The following RANBP9 variants were observed in gnomAD, a reference collection of about 807,000 sequenced individuals.
RANBP9 encodes the protein RAN binding protein 9.
Under a neutral mutation model 84.3 loss-of-function variants are expected in RANBP9, and 15 were observed. The observed-to-expected ratio is 0.18, with a 90% CI of 0.12 to 0.27. The LOEUF is 0.27. RANBP9 is among the 10% of genes least tolerant of loss of function. RANBP9 has a pLI of 1.00. For synonymous variants in RANBP9, 392 were observed against 349.6 expected (o/e 1.12, Z -1.35); for missense variants, 809 against 912.8 (o/e 0.89, Z 1.46).
intron 1 of RANBP9, among the ~76,000 whole-genome samples, chr6:13,705,392 G>T (rs1425841142): frequency 1.1e-5 from 1 of 93,812 alleles, no homozygotes; most frequent in Non-Finnish European, 1.9e-5. Flanking sequence ...GGGCGACAGA[G>T]CAAGATTCTG....
intron 5 of RANBP9, among the ~76,000 whole-genome samples, chr6:13,649,722 C>T (rs185423368): frequency 2.6e-5 from 4 of 152,082 alleles, no homozygotes; most frequent in Non-Finnish European, 5.9e-5. Flanking sequence ...TTCTACTGCC[C>T]CCACTTCCAC....
intron 7 of RANBP9, among the ~76,000 whole-genome samples, chr6:13,641,515 A>T (rs529997189): frequency 1.7e-3 from 261 of 151,380 alleles, no homozygotes; most frequent in African/African-American, 6.0e-3. Flanking sequence ...ACGGTCACAA[A>T]TTTTTTTTTT....
chr6:13,629,222 T>A (rs538977145), intron 12 of RANBP9, among the ~76,000 whole-genome samples: 1 of 152,318 alleles, frequency 6.6e-6, no homozygotes, highest in East Asian at 1.9e-4. Context: ...GCAATCCTCC[T>A]GCCTCAGCCT....
At chr6:13,690,188 A>C (rs1766291695) in intron 2 of RANBP9, among the ~76,000 whole-genome samples, 1 of 152,228 alleles carries the variant, frequency 6.6e-6, no homozygotes, top group Admixed American at 6.5e-5. Flanking sequence ...GTTTCTACTA[A>C]ATGTCAGGTC....
In RANBP9 at chr6:13,644,594, G is replaced by C; in HGVS notation, c.1063C>G (p.Arg355Gly). The C allele has an allele frequency of 6.2e-7, 1 of 1,612,904 alleles. No homozygotes were observed. The highest frequency in any genetic ancestry group is 8.5e-7 in the Non-Finnish European group (1 of 1,179,540). ...WRTKIQAQIDRFPIGDREGEW... is the reference protein window; with the variant it reads ...WRTKIQAQIDGFPIGDREGEW... ...CCTTCTCGATCTCCGATAGGAAATC[G>C]ATCTATCTGTGCCTGGATTTTGGTT... Residue 355 changes from arginine to glycine, a missense_variant, in exon 6 of 14, where the codon CGA (arginine) becomes GGA (glycine). Arg to Gly is a moderately radical substitution (Grantham distance 125). This residue lies in a region of RANBP9 where 216 missense variants were observed against 329.0 expected (regional missense o/e 0.66). Coordinates refer to ENST00000011619, the MANE Select transcript of RANBP9 (RefSeq NM_005493.3).
chr6:13,647,532 A>G (rs989874297), intron 5 of RANBP9, among the ~76,000 whole-genome samples: 6 of 152,152 alleles, frequency 3.9e-5, no homozygotes, highest in Non-Finnish European at 8.8e-5. Context: ...GGTATAACAT[A>G]TTGTATATGG....
At position 13,657,175 on chromosome 6, in the gene RANBP9, C is replaced by A. The variant is rs1333847405; in HGVS notation, c.838G>T (p.Val280Phe). ...PYGPTFTTGD[V>F]IGCCVNLINN... ...ATAAGATTAACACAACAGCCAATGA[C>A]ATCACCAGTAGTGAAAGTTGGTCCA... Residue 280 changes from valine (V) to phenylalanine (F), a missense_variant, in exon 4 of 14, where the codon GTC becomes TTC. Physicochemically the swap from Val to Phe is conservative, Grantham distance 50. Coordinates refer to ENST00000011619, the MANE Select transcript of RANBP9 (RefSeq NM_005493.3). The A allele has an allele frequency of 1.5e-5, 24 of 1,613,048 alleles. No homozygotes were observed. Among genetic ancestry groups the A allele is most frequent in the Non-Finnish European group, 2.0e-5 (23 of 1,179,452 alleles).
intron 5 of RANBP9, among the ~76,000 whole-genome samples, chr6:13,648,361 T>A (rs866992436): frequency 2.0e-5 from 3 of 152,118 alleles, no homozygotes; most frequent in Middle Eastern, 6.8e-3. Flanking sequence ...TTGGCCAGGA[T>A]AGTCTTGATC....
intron 1 of RANBP9, among the ~76,000 whole-genome samples, chr6:13,709,308 G>A (rs1347159953): frequency 1.3e-5 from 2 of 152,184 alleles, no homozygotes; most frequent in African/African-American, 4.8e-5. Flanking sequence ...AAGAAACTGA[G>A]GCTCAGTCTT....
chr6:13,706,404 T>G (rs1758123223), intron 1 of RANBP9, among the ~76,000 whole-genome samples: 6 of 150,596 alleles, frequency 4.0e-5, no homozygotes, highest in Admixed American at 4.0e-4. Context: ...AATTAAAAAG[T>G]GAAATTCTGG....
intron 2 of RANBP9, among the ~76,000 whole-genome samples, chr6:13,690,836 A>C (rs2113347656): frequency 6.6e-6 from 1 of 152,264 alleles, no homozygotes; most frequent in South Asian, 2.1e-4. Context: ...AAAAGAAGGG[A>C]AAGTAAACAC....
chr6:13,681,455 A>G (rs564182702), intron 2 of RANBP9, among the ~76,000 whole-genome samples: 39 of 152,300 alleles, frequency 2.6e-4, no homozygotes, highest in African/African-American at 9.1e-4. Flanking sequence ...GGGAAAGGGA[A>G]GAAAAGGTGC....
At chr6:13,630,543 T>G (rs1402756985) in intron 12 of RANBP9, among the ~76,000 whole-genome samples, 1 of 152,160 alleles carries the variant, frequency 6.6e-6, no homozygotes, top group Non-Finnish European at 1.5e-5. Context: ...ATTCTTTATT[T>G]CCAAATATGC....
intron 4 of RANBP9, among the ~76,000 whole-genome samples, chr6:13,656,578 T>G (rs1765406809): frequency 6.6e-6 from 1 of 152,184 alleles, no homozygotes; most frequent in Admixed American, 6.5e-5. Flanking sequence ...ATTCTCAGTT[T>G]TGTCACTGTT....
intron 6 of RANBP9, 93 bp from the exon 7 acceptor site, chr6:13,642,684 T>A (rs1164186780): frequency 2.5e-6 from 2 of 807,392 alleles, no homozygotes; most frequent in Non-Finnish European, 3.7e-6. Context: ...TCTGGTGTTA[T>A]AAAAACGAAC....
At chr6:13,705,847 C>G (rs779919065) in intron 1 of RANBP9, among the ~76,000 whole-genome samples, 1 of 110,500 alleles carries the variant, frequency 9.0e-6, no homozygotes, top group Non-Finnish European at 1.8e-5. Flanking sequence ...TGGGCCTGGG[C>G]GACAGAGCAA....
In RANBP9 at chr6:13,681,778, A is replaced by G. The variant is rs560242021; in HGVS notation, c.683+15007T>C. On this transcript the variant is annotated intron_variant, in intron 2 of 13. Coordinates refer to ENST00000011619, the MANE Select transcript of RANBP9 (RefSeq NM_005493.3). ...GCTTCCATTTTCAAAAGGAAATAAC[A>G]AAAGAATAAATCAAGAACTAATGAA... 1.4e-4 allele frequency among the ~76,000 whole-genome samples: 22 copies of G among 152,368 alleles called. No homozygotes were observed. The East Asian group carries it at 3.1e-3, about 21-fold the overall frequency.
At chr6:13,643,715 C>T (rs1056372147) in intron 6 of RANBP9, among the ~76,000 whole-genome samples, 7 of 152,050 alleles carry the variant, frequency 4.6e-5, no homozygotes, top group African/African-American at 1.7e-4. Context: ...CAGTGTGGCC[C>T]CAGAACAACC....
At chr6:13,642,678 G>A (rs924039960) in intron 6 of RANBP9, 87 bp from the exon 7 acceptor site, 43 of 912,724 alleles carry the variant, frequency 4.7e-5, no homozygotes, top group Non-Finnish European at 6.8e-5. Flanking sequence ...ATCTATTCTG[G>A]TGTTATAAAA....
Sources: allele counts gnomAD v4.1 joint callset (sites outside exome capture counted in the v4.1 genomes callset), GRCh38; gene constraint gnomAD v4.1.1; regional missense constraint gnomAD v4.1.1; transcripts MANE v1.5; gene names NCBI Gene and HGNC (gene_info 2026-07-23, HGNC 2026-07-21).